The following TMEM179 variants were observed in gnomAD, a reference collection of about 807,000 sequenced individuals.
TMEM179 encodes the protein transmembrane protein 179, also known as transmembrane protein 179A.
A neutral mutation model predicts 22.2 loss-of-function variants in TMEM179; 17 were observed. That is an observed-to-expected ratio of 0.77 (90% CI 0.52 to 1.15). TMEM179 has a LOEUF of 1.15. TMEM179 is among the 50% of genes most tolerant of loss of function. The pLI is 0.00. For synonymous variants in TMEM179, 127 were observed against 140.5 expected (o/e 0.90, Z 0.68); for missense variants, 265 against 313.6 (o/e 0.84, Z 1.17).
rs772918714 is a variant in TMEM179 at position 104,595,815 on chromosome 14, G to A, written c.444-572C>T. 3.3e-5 allele frequency among the ~76,000 whole-genome samples: 5 copies of A among 152,220 alleles called. No individual in the cohort carries two copies. Among genetic ancestry groups the A allele is most frequent in the Admixed American group, 6.5e-5 (1 of 15,280 alleles). Reference sequence around the variant, plus strand: ...GAGGGCCCAGGAGTGAGCCAGGCCTGGGCTCCCGGTAGGTGTCCTGCACCC... The same window carrying A: ...GAGGGCCCAGGAGTGAGCCAGGCCTAGGCTCCCGGTAGGTGTCCTGCACCC... On this transcript the variant is annotated intron_variant, in intron 2 of 3. Coordinates refer to ENST00000556573, the MANE Select transcript of TMEM179 (RefSeq NM_001286389.2). This position sits in a 1 kb window ranked among gnomAD's most constrained non-coding sequence, Gnocchi z 5.7.
intron 1 of TMEM179, among the ~76,000 whole-genome samples, chr14:104,603,340 C>T (rs899627302): frequency 5.9e-5 from 9 of 152,120 alleles, no homozygotes; most frequent in Admixed American, 3.3e-4. Context: ...CTCCCACCTG[C>T]GTGCAGGAAG....
intron 3 of TMEM179, among the ~76,000 whole-genome samples, chr14:104,593,859 C>T (rs1596295557): frequency 6.6e-6 from 1 of 152,346 alleles, no homozygotes; most frequent in East Asian, 1.9e-4. Flanking sequence ...CAGCCAGCAT[C>T]GTTTTCCAGC....
At position 104,591,549 on chromosome 14, in the gene TMEM179, G is replaced by C. The variant is rs1333806693; in HGVS notation, c.*1930C>G. 7.7e-6 allele frequency: 3 copies of C among 389,762 alleles called. No individual in the cohort carries two copies. In the Admixed American group the frequency reaches 8.9e-5, roughly 12 times the overall value. The allele number at this position is 389,762 out of a possible 1,614,324, so 24.1% of individuals were successfully genotyped here. On this transcript the variant is annotated 3_prime_UTR_variant, in exon 4 of 4. Transcript: ENST00000556573. ...TGGCTGCCAGCTGGAAACTCAGCTGGTCCCCAAGGCCAGAGCCCCCTTGAG... is the reference window on the plus strand; with the variant it reads ...TGGCTGCCAGCTGGAAACTCAGCTGCTCCCCAAGGCCAGAGCCCCCTTGAG...
intron 2 of TMEM179, among the ~76,000 whole-genome samples, chr14:104,596,080 C>A (rs1268881197): frequency 6.6e-6 from 1 of 152,240 alleles, no homozygotes; most frequent in Non-Finnish European, 1.5e-5. Flanking sequence ...ACAGGAGGCC[C>A]TGCAGGGCCA....
At position 104,595,142 on chromosome 14, in the gene TMEM179, C is replaced by T. The variant is rs1025241794; in HGVS notation, c.522+23G>A. On this transcript the variant is annotated intron_variant, in intron 3 of 3. Coordinates refer to ENST00000556573, the MANE Select transcript of TMEM179 (RefSeq NM_001286389.2). This position sits in a 1 kb window ranked among gnomAD's most constrained non-coding sequence, Gnocchi z 5.7. ...GCCCCCTCCCAGCATTGCAAGCCTCCCTTCTTGCCCAGAGCCCCCTACCTG... is the reference window on the plus strand; with the variant it reads ...GCCCCCTCCCAGCATTGCAAGCCTCTCTTCTTGCCCAGAGCCCCCTACCTG... 6.2e-7 allele frequency: 1 copy of T among 1,613,642 alleles called. No individual in the cohort carries two copies. Among genetic ancestry groups the T allele is most frequent in the Non-Finnish European group, 8.5e-7 (1 of 1,179,910 alleles).
Position 104,597,452 on chromosome 14 carries a change from T to C in TMEM179, c.306-325A>G, listed in dbSNP as rs1887072478. On this transcript the variant is annotated intron_variant, in intron 1 of 3. Coordinates refer to ENST00000556573, the MANE Select transcript of TMEM179 (RefSeq NM_001286389.2). This position sits in a 1 kb window ranked among gnomAD's most constrained non-coding sequence, Gnocchi z 4.8. ...AGGCTGCACCCAGGGTGGAAGTGAA[T>C]GACACCCTTCCAAAGCCGTCCAGCC... Among the ~76,000 whole-genome samples the C allele has an allele frequency of 6.6e-6, 1 of 152,054 alleles. No individual in the cohort carries two copies. The highest frequency in any genetic ancestry group is 1.5e-5 in the Non-Finnish European group (1 of 67,994).
At position 104,595,308 on chromosome 14, in the gene TMEM179, C is replaced by G; in HGVS notation, c.444-65G>C. ...ACAGCCAGTGCGGGACATGGCTGAG[C>G]CGCTGGCCAGAGAGCCAGGAGCTTT... On this transcript the variant is annotated intron_variant, in intron 2 of 3. Transcript: ENST00000556573. This position sits in a 1 kb window ranked among gnomAD's most constrained non-coding sequence, Gnocchi z 5.7. The G allele has an allele frequency of 6.6e-7, 1 of 1,512,258 alleles. No individual in the cohort carries two copies. The highest frequency in any genetic ancestry group is 1.8e-4 in the Middle Eastern group (1 of 5,632). 93.7% of individuals were successfully genotyped at this position (1,512,258 alleles called of 1,614,324 possible).
intron 1 of TMEM179, among the ~76,000 whole-genome samples, chr14:104,603,169 C>T (rs1361049882): frequency 1.3e-5 from 2 of 152,168 alleles, no homozygotes; most frequent in Non-Finnish European, 2.9e-5. Flanking sequence ...GAGTTTGCAG[C>T]CCCACTCAGC....
intron 3 of TMEM179, chr14:104,594,436 G>C (rs1886949574): frequency 9.7e-6 from 12 of 1,231,764 alleles, no homozygotes; most frequent in Non-Finnish European, 1.2e-5. Context: ...CAGGAGCCAG[G>C]TGTCTGGTCT....
rs770573407 is a variant in TMEM179 at position 104,604,707 on chromosome 14, G to A, written c.35C>T (p.Ala12Val). The change falls in exon 1 of 4, where the codon GCC becomes GTC. Residue 12 changes from alanine (A) to valine (V), a missense_variant. Coordinates refer to ENST00000556573, the MANE Select transcript of TMEM179 (RefSeq NM_001286389.2). This position sits in a 1 kb window ranked among gnomAD's most constrained non-coding sequence, Gnocchi z 4.6. ...ALNNFLFAQCACYFLAFLFSF... is the reference protein window; with the variant it reads ...ALNNFLFAQCVCYFLAFLFSF... ...GAACAGGAAGGCCAAGAAGTAGCAG[G>A]CGCACTGAGCGAAAAGGAAATTGTT... 11 of 1,589,768 alleles carry A rather than the reference G, an allele frequency of 6.9e-6. No homozygotes were observed. In the South Asian group the frequency reaches 1.2e-4, roughly 18 times the overall value.
chr14:104,594,887 C>T, intron 3 of TMEM179: 1 of 1,299,934 alleles, frequency 7.7e-7, no homozygotes, highest in South Asian at 1.9e-5. Flanking sequence ...CCCCCACACC[C>T]CCACACTTCC....
In TMEM179 at chr14:104,595,134, C is replaced by T. The variant is rs943712034; in HGVS notation, c.522+31G>A. On this transcript the variant is annotated intron_variant, in intron 3 of 3. Coordinates refer to ENST00000556573, the MANE Select transcript of TMEM179 (RefSeq NM_001286389.2). This position sits in a 1 kb window ranked among gnomAD's most constrained non-coding sequence, Gnocchi z 5.7. Reference sequence around the variant, plus strand: ...AGTAAATGGCCCCCTCCCAGCATTGCAAGCCTCCCTTCTTGCCCAGAGCCC... The same window carrying T: ...AGTAAATGGCCCCCTCCCAGCATTGTAAGCCTCCCTTCTTGCCCAGAGCCC... 17 of 1,613,366 alleles carry T rather than the reference C, an allele frequency of 1.1e-5. No individual in the cohort carries two copies. In the Admixed American group the frequency reaches 2.3e-4, roughly 22 times the overall value.
chr14:104,598,930 G>A (rs8013710), intron 1 of TMEM179, among the ~76,000 whole-genome samples: 11,229 of 152,294 alleles, frequency 0.074, 497 homozygotes, highest in Non-Finnish European at 0.079. Flanking sequence ...ACACACGTAC[G>A]CGTGGGGGGT....
At chr14:104,603,755 G>A (rs908666105) in intron 1 of TMEM179, among the ~76,000 whole-genome samples, 1 of 152,180 alleles carries the variant, frequency 6.6e-6, no homozygotes, top group Non-Finnish European at 1.5e-5. Flanking sequence ...GGGCCCCCAG[G>A]GTGCCACTGG....
chr14:104,592,769 A>G lies in TMEM179; in HGVS notation c.*710T>C, dbSNP rs1044733925. On this transcript the variant is annotated 3_prime_UTR_variant, in exon 4 of 4. Coordinates refer to ENST00000556573, the MANE Select transcript of TMEM179 (RefSeq NM_001286389.2). The stretch of plus-strand genomic sequence containing the variant: ...GCCATGGCTCCTGGCCCAGTCCTCT[A>G]TGTGGTACGTGTGCCCCCGAAATCC... Among the ~76,000 whole-genome samples the G allele has an allele frequency of 2.0e-5, 3 of 152,092 alleles. No individual in the cohort carries two copies. Among genetic ancestry groups the G allele is most frequent in the Non-Finnish European group, 4.4e-5 (3 of 68,024 alleles).
rs1278024845 is a variant in TMEM179 at position 104,593,296 on chromosome 14, C to T, written c.*183G>A. 1.4e-6 allele frequency: 1 copy of T among 697,812 alleles called. No individual in the cohort carries two copies. The highest frequency in any genetic ancestry group is 2.7e-5 in the East Asian group (1 of 36,596). 43.2% of individuals were successfully genotyped at this position (697,812 alleles called of 1,614,324 possible). ...TCAGGGAGCCGGCACCCACCCAGTCCACTGCCAGGCTCACAGGTGGGCACT... is the reference window on the plus strand; with the variant it reads ...TCAGGGAGCCGGCACCCACCCAGTCTACTGCCAGGCTCACAGGTGGGCACT... On this transcript the variant is annotated 3_prime_UTR_variant, in exon 4 of 4. Coordinates refer to ENST00000556573, the MANE Select transcript of TMEM179 (RefSeq NM_001286389.2).
At position 104,595,190 on chromosome 14, in the gene TMEM179, A is replaced by C; in HGVS notation, c.497T>G (p.Phe166Cys). ...DLELGVDNSA[F>C]YDQFAIAQFG... ...CTGGGCAATTGCAAACTGATCGTAG[A>C]AGGCGGAGTTGTCCACGCCCAGCTC... Residue 166 changes from phenylalanine to cysteine, a missense_variant, in exon 3 of 4, where the codon TTC becomes TGC. Transcript: ENST00000556573. The surrounding 1 kb of genome is among the most constrained non-coding windows in gnomAD (Gnocchi z 5.7). 6.2e-7 allele frequency: 1 copy of C among 1,613,724 alleles called. No homozygotes were observed. Among genetic ancestry groups the C allele is most frequent in the Non-Finnish European group, 8.5e-7 (1 of 1,179,960 alleles).
intron 3 of TMEM179, 58 bp from the exon 4 acceptor site, chr14:104,593,716 C>T: frequency 7.0e-7 from 1 of 1,425,954 alleles, no homozygotes; most frequent in African/African-American, 1.4e-5. Flanking sequence ...TCAGTGCAAC[C>T]CCCTCCCACC....
Position 104,591,264 on chromosome 14 carries a change from ACCG to A in TMEM179, c.*2212_*2214del. The A allele has an allele frequency of 2.3e-6, 1 of 427,154 alleles. No individual in the cohort carries two copies. The highest frequency in any genetic ancestry group is 4.6e-6 in the Non-Finnish European group (1 of 215,074). 26.5% of individuals were successfully genotyped at this position (427,154 alleles called of 1,614,324 possible). A position where few individuals can be genotyped will look rare whatever the true frequency, so the allele number is the denominator to read the frequency against. ...AGTGCAGCCCCCAAGAACAGACCCA[ACCG>A]GGGCCAAGCCTCAGGTTCCAGAAGC... On this transcript the variant is annotated 3_prime_UTR_variant, in exon 4 of 4. Transcript: ENST00000556573.
Sources: allele counts gnomAD v4.1 joint callset (sites outside exome capture counted in the v4.1 genomes callset), GRCh38; gene constraint gnomAD v4.1.1; non-coding constraint Gnocchi (gnomAD v3.1); transcripts MANE v1.5; gene names NCBI Gene and HGNC (gene_info 2026-07-23, HGNC 2026-07-21).